Variants in BICRA observed in about 807,000 individuals in gnomAD.
The protein encoded by BICRA is BRD4 interacting chromatin remodeling complex associated protein, also known as BRD4-interacting chromatin-remodeling complex-associated protein.
A neutral mutation model predicts 96.9 loss-of-function variants in BICRA; 31 were observed. The ratio of observed to expected loss-of-function variants is 0.32; its 90% confidence interval spans 0.24 to 0.43. BICRA has a LOEUF of 0.43. Among genes scored for constraint, BICRA ranks in the 20% least tolerant of loss-of-function variants. The pLI is 1.00. For synonymous variants in BICRA, 1,350 were observed against 1,071.8 expected (o/e 1.26, Z -5.07); for missense variants, 2,283 against 2,190.3 (o/e 1.04, Z -0.84).
chr19:47,698,515 C>T lies in BICRA; in HGVS notation c.3249-119C>T, dbSNP rs1010677074. Reference sequence around the variant, plus strand: ...ATGGGAACACCACTGCCCAAGTATTCCCCTTCCCGCTGTTGTGTTCAGTTG... The same window carrying T: ...ATGGGAACACCACTGCCCAAGTATTTCCCTTCCCGCTGTTGTGTTCAGTTG... On this transcript the variant is annotated intron_variant, in intron 11 of 14. Transcript: ENST00000594866. This position sits in a 1 kb window ranked among gnomAD's most constrained non-coding sequence, Gnocchi z 4.8. 33 of 664,496 alleles carry T rather than the reference C, an allele frequency of 5.0e-5. No homozygotes were observed. In the Middle Eastern group the frequency reaches 1.6e-3, roughly 32 times the overall value. 41.2% of individuals were successfully genotyped at this position (664,496 alleles called of 1,614,324 possible). A position where few individuals can be genotyped will look rare whatever the true frequency, so the allele number is the denominator to read the frequency against.
chr19:47,698,822 G>C lies in BICRA; in HGVS notation c.3397+40G>C. On this transcript the variant is annotated intron_variant, in intron 12 of 14. Transcript: ENST00000594866. This position sits in a 1 kb window ranked among gnomAD's most constrained non-coding sequence, Gnocchi z 4.8. The stretch of plus-strand genomic sequence containing the variant: ...GGACACGGCCCTATATGTCCCAGGG[G>C]ACCCCAGCCCGTGGGGCGGGGCGTC... The C allele has an allele frequency of 3.9e-6, 6 of 1,534,586 alleles. No homozygotes were observed. The highest frequency in any genetic ancestry group is 5.3e-6 in the Non-Finnish European group (6 of 1,126,952).
At chr19:47,631,067 G>C (rs1972215042) in intron 1 of BICRA, among the ~76,000 whole-genome samples, 1 of 152,116 alleles carries the variant, frequency 6.6e-6, no homozygotes, top group African/African-American at 2.4e-5. Flanking sequence ...TTATGTTTTT[G>C]GGGTTTTTTT....
At chr19:47,613,955 A>T (rs1971947795) in intron 1 of BICRA, among the ~76,000 whole-genome samples, 2 of 151,780 alleles carry the variant, frequency 1.3e-5, no homozygotes, top group South Asian at 4.1e-4. Context: ...TGGCACAAGC[A>T]GAGAAGGCCT....
chr19:47,675,540 G>T lies in BICRA; in HGVS notation c.85-311G>T, dbSNP rs1198226232. Among the ~76,000 whole-genome samples, 1 of 152,218 alleles carries T rather than the reference G, an allele frequency of 6.6e-6. No homozygotes were observed. The highest frequency in any genetic ancestry group is 1.5e-5 in the Non-Finnish European group (1 of 68,046). Reference sequence around the variant, plus strand: ...GAAGGCTGTGCTACTGGAGAGACTGGGGGGCAGTGGCAGGGCGCAGCTTGG... The same window carrying T: ...GAAGGCTGTGCTACTGGAGAGACTGTGGGGCAGTGGCAGGGCGCAGCTTGG... On this transcript the variant is annotated intron_variant, in intron 4 of 14. Transcript: ENST00000594866. This position sits in a 1 kb window ranked among gnomAD's most constrained non-coding sequence, Gnocchi z 4.7.
rs978988613 is a variant in BICRA at position 47,621,484 on chromosome 19, T to A, written c.-108+12316T>A. Among the ~76,000 whole-genome samples the A allele has an allele frequency of 3.1e-4, 46 of 150,486 alleles. No individual in the cohort carries two copies. The South Asian group carries it at 5.2e-3, about 17-fold the overall frequency. On this transcript the variant is annotated intron_variant, in intron 1 of 14. Transcript: ENST00000594866. ...TTTTAGTCTTTTTTTTTTTTTTTTT[T>A]AAATGCGAGATGGAATTTTGCTCTT...
chr19:47,654,628 C>A (rs368224005), intron 1 of BICRA, among the ~76,000 whole-genome samples: 10 of 152,110 alleles, frequency 6.6e-5, no homozygotes, highest in African/African-American at 2.4e-4. Flanking sequence ...ACTAAAGACA[C>A]CTGCTACCGT....
intron 8 of BICRA, 73 bp downstream of exon 8, chr19:47,694,799 T>C (rs1338649321): frequency 2.3e-6 from 2 of 854,606 alleles, no homozygotes; most frequent in Non-Finnish European, 3.5e-6. Flanking sequence ...TGGGAGCCCC[T>C]CCGCCTTACG....
At chr19:47,608,600 G>A (rs957347449), upstream of BICRA, 1 of 152,100 alleles carries the variant, frequency 6.6e-6, no homozygotes, top group African/African-American at 2.4e-5. Flanking sequence ...CCAGCATCCG[G>A]ATCAGGGCTC....
In BICRA at chr19:47,680,385, G is replaced by T. The variant is rs766078494; in HGVS notation, c.1215G>T (p.Ala405=). 1.3e-6 allele frequency: 2 copies of T among 1,530,608 alleles called. No homozygotes were observed. Among genetic ancestry groups the T allele is most frequent in the South Asian group, 2.4e-5 (2 of 83,648 alleles). 94.8% of individuals were successfully genotyped at this position (1,530,608 alleles called of 1,614,324 possible). Residue 405 remains alanine (A), a synonymous_variant, in exon 6 of 15, where the codon GCG becomes GCT. Transcript: ENST00000594866. The part of the protein sequence containing the change: ...QNLTFMAAGK[A]GQNVVLSGFP... ...TGACGTTCATGGCGGCGGGGAAGGC[G>T]GGCCAGAACGTGGTGCTGTCGGGCT...
chr19:47,626,083 G>A (rs1972134851), intron 1 of BICRA: 1 of 152,420 alleles, frequency 6.6e-6, no homozygotes, highest in South Asian at 2.1e-4. Flanking sequence ...TTTGGCAAAG[G>A]GGTTCAGGAG....
Position 47,623,881 on chromosome 19 carries a change from A to C in BICRA, c.-108+14713A>C, listed in dbSNP as rs142481566. ...TTTTTTTGAGACTGAGACCGAGTTTAGTTCTTGTTGCCCAGGCTGGAGTGC... is the reference window on the plus strand; with the variant it reads ...TTTTTTTGAGACTGAGACCGAGTTTCGTTCTTGTTGCCCAGGCTGGAGTGC... On this transcript the variant is annotated intron_variant, in intron 1 of 14. Coordinates refer to ENST00000594866, the MANE Select transcript of BICRA (RefSeq NM_001394372.1). Among the ~76,000 whole-genome samples, 189 of 137,132 alleles carry C rather than the reference A, an allele frequency of 1.4e-3. 1 individual carries two copies. The highest frequency in any genetic ancestry group is 5.0e-3 in the African/African-American group (177 of 35,718). 90.0% of individuals were successfully genotyped at this position (137,132 alleles called of 152,430 possible). A position where few individuals can be genotyped will look rare whatever the true frequency, so the allele number is the denominator to read the frequency against.
At position 47,702,292 on chromosome 19, in the gene BICRA, G is replaced by T. The variant is rs757783549; in HGVS notation, c.4560G>T (p.Ala1520=). ...AGCAGGCCCCCGGCCGGACGCCCGC[G>T]CCCTCGTACCCCCACGCTGCCTCGG... ...NLQQAPGRTP[A]PSYPHAASAG... The change falls in exon 15 of 15, where the codon GCG becomes GCT. Residue 1520 remains alanine (A), a synonymous_variant. Coordinates refer to ENST00000594866, the MANE Select transcript of BICRA (RefSeq NM_001394372.1). 4 of 1,591,590 alleles carry T rather than the reference G, an allele frequency of 2.5e-6. No individual in the cohort carries two copies.
rs1372905109 is a variant in BICRA at position 47,699,743 on chromosome 19, C to T, written c.3595+338C>T. 6.6e-6 allele frequency among the ~76,000 whole-genome samples: 1 copy of T among 152,142 alleles called. No homozygotes were observed. Among genetic ancestry groups the T allele is most frequent in the East Asian group, 1.9e-4 (1 of 5,192 alleles). ...ATAAGGTAACGCCCACTCTTGGGTGCCAGTCCTTTGCTTGGGGACCCTGAG... is the reference window on the plus strand; with the variant it reads ...ATAAGGTAACGCCCACTCTTGGGTGTCAGTCCTTTGCTTGGGGACCCTGAG... On this transcript the variant is annotated intron_variant, in intron 14 of 14. Coordinates refer to ENST00000594866, the MANE Select transcript of BICRA (RefSeq NM_001394372.1). This position sits in a 1 kb window ranked among gnomAD's most constrained non-coding sequence, Gnocchi z 5.0.
rs1350846644 is a variant in BICRA, at chr19:47,699,608, C to T, written c.3595+203C>T. On this transcript the variant is annotated intron_variant, in intron 14 of 14. Coordinates refer to ENST00000594866, the MANE Select transcript of BICRA (RefSeq NM_001394372.1). The surrounding 1 kb of genome is among the most constrained non-coding windows in gnomAD (Gnocchi z 5.0). ...GACCAGATAGCCCACATCCATCTTC[C>T]TCCATCCCTGTGTGGCCCTTCCACC... Among the ~76,000 whole-genome samples, 1 of 152,198 alleles carries T rather than the reference C, an allele frequency of 6.6e-6. No homozygotes were observed. The highest frequency in any genetic ancestry group is 2.4e-5 in the African/African-American group (1 of 41,444).
chr19:47,659,961 G>A (rs1279652331), intron 1 of BICRA, among the ~76,000 whole-genome samples: 1 of 152,056 alleles, frequency 6.6e-6, no homozygotes, highest in Admixed American at 6.6e-5. Flanking sequence ...GTGTTGCCCA[G>A]GCTACATATA....
rs1406752880 is a variant in BICRA at position 47,694,285 on chromosome 19, C to T, written c.2454C>T (p.Pro818=). The T allele has an allele frequency of 1.1e-6, 1 of 886,410 alleles. No individual in the cohort carries two copies. The highest frequency in any genetic ancestry group is 1.8e-6 in the Non-Finnish European group (1 of 559,940). 54.9% of individuals were successfully genotyped at this position (886,410 alleles called of 1,614,324 possible). The change falls in exon 8 of 15, where the codon CCC becomes CCT. Residue 818 remains proline (P), a synonymous_variant. Coordinates refer to ENST00000594866, the MANE Select transcript of BICRA (RefSeq NM_001394372.1). ...TGTCCCGCCCTCCCTCAGAGCCACCCTTGCACCCTTGCCCCCCACCCCAGG... is the reference window on the plus strand; with the variant it reads ...TGTCCCGCCCTCCCTCAGAGCCACCTTTGCACCCTTGCCCCCCACCCCAGG... The part of the protein sequence containing the change: ...QSVSRPPSEP[P]LHPCPPPQAP...
Position 47,702,778 on chromosome 19 carries a change from C to G in BICRA, c.*363C>G, listed in dbSNP as rs1973489480. On this transcript the variant is annotated 3_prime_UTR_variant, in exon 15 of 15. Transcript: ENST00000594866. The stretch of plus-strand genomic sequence containing the variant: ...GGGTTGATGCCAACGCTCCGGGTGC[C>G]TGTCTTGTCTGTGTGGCTTCTCAGA... 1 of 281,386 alleles carries G rather than the reference C, an allele frequency of 3.6e-6. No individual in the cohort carries two copies. The highest frequency in any genetic ancestry group is 2.3e-5 in the African/African-American group (1 of 43,786). The allele number at this position is 281,386 out of a possible 1,614,324, so 17.4% of individuals were successfully genotyped here.
chr19:47,698,581 A>ACCCCTCCCCCCCCCCCCCCC lies in BICRA; in HGVS notation c.3249-50_3249-49insCTCCCCCCCCCCCCCCCCCC. 1 of 740,236 alleles carries ACCCCTCCCCCCCCCCCCCCC rather than the reference A, an allele frequency of 1.4e-6. No homozygotes were observed. Among genetic ancestry groups the ACCCCTCCCCCCCCCCCCCCC allele is most frequent in the Non-Finnish European group, 2.5e-6 (1 of 405,556 alleles). 45.9% of individuals were successfully genotyped at this position (740,236 alleles called of 1,614,324 possible). ...GGTTCAGGGACTTCCCCTGGCCCTC[A>ACCCCTCCCCCCCCCCCCCCC]CCCGTCCCCCCCACCCTCCGCCGTG... On this transcript the variant is annotated intron_variant, in intron 11 of 14. Coordinates refer to ENST00000594866, the MANE Select transcript of BICRA (RefSeq NM_001394372.1). The surrounding 1 kb of genome is among the most constrained non-coding windows in gnomAD (Gnocchi z 4.8).
At chr19:47,668,615 G>A (rs1972818293) in intron 1 of BICRA, among the ~76,000 whole-genome samples, 1 of 151,570 alleles carries the variant, frequency 6.6e-6, no homozygotes, top group African/African-American at 2.4e-5. Flanking sequence ...AGTCTCCTGA[G>A]TAGGCACGAC....
Sources: allele counts gnomAD v4.1 joint callset (sites outside exome capture counted in the v4.1 genomes callset), GRCh38; gene constraint gnomAD v4.1.1; non-coding constraint Gnocchi (gnomAD v3.1); transcripts MANE v1.5; gene names NCBI Gene and HGNC (gene_info 2026-07-23, HGNC 2026-07-21).